The following HS6ST3 variants were observed in gnomAD, a reference collection of about 807,000 sequenced individuals.
HS6ST3 encodes the protein heparan sulfate 6-O-sulfotransferase 3, also known as heparan-sulfate 6-O-sulfotransferase 3.
A neutral mutation model predicts 36.7 loss-of-function variants in HS6ST3; 12 were observed. The ratio of observed to expected loss-of-function variants is 0.33; its 90% CI spans 0.21 to 0.53. HS6ST3 has a LOEUF of 0.53. Ranked by LOEUF, HS6ST3 falls within the 20% of genes least tolerant of loss-of-function variation. The pLI, the probability that HS6ST3 is intolerant of heterozygous loss-of-function variation, is 0.95. For synonymous variants in HS6ST3, 240 were observed against 257.5 expected (o/e 0.93, Z 0.65); for missense variants, 584 against 640.9 (o/e 0.91, Z 0.96).
chr13:96,534,587 T>C (rs1220379857), intron 1 of HS6ST3, among the ~76,000 whole-genome samples: 1 of 152,216 alleles, frequency 6.6e-6, no homozygotes, highest in Non-Finnish European at 1.5e-5. Context: ...TGGTTGTCAC[T>C]ATTTATATGC....
chr13:96,714,139 G>T lies in HS6ST3; in HGVS notation c.708-118351G>T, dbSNP rs544980814. ...TTAGGGTAGGGAGAGATTTCTAAAGGTACAAAACCTCCAAACCTTAAAAGA... is the reference window on the plus strand; with the variant it reads ...TTAGGGTAGGGAGAGATTTCTAAAGTTACAAAACCTCCAAACCTTAAAAGA... On this transcript the variant is annotated intron_variant, in intron 1 of 1. Coordinates refer to ENST00000376705, the MANE Select transcript of HS6ST3 (RefSeq NM_153456.4). Among the ~76,000 whole-genome samples, 40 of 152,010 alleles carry T rather than the reference G, an allele frequency of 2.6e-4. 1 individual carries two copies. The South Asian group carries it at 5.2e-3, about 20-fold the overall frequency.
intron 1 of HS6ST3, among the ~76,000 whole-genome samples, chr13:96,484,467 G>T (rs552964162): frequency 6.6e-6 from 1 of 152,266 alleles, no homozygotes; most frequent in South Asian, 2.1e-4. Flanking sequence ...TATCCATCAT[G>T]CATAACTGAA....
rs1203595829 is a variant in HS6ST3, at chr13:96,351,335, T to TTTTTTTTTTTTTTTAAAA, written c.707+259766_707+259767insTTTTTTTTTTTTTTAAAA. Among the ~76,000 whole-genome samples, 921 of 146,108 alleles carry TTTTTTTTTTTTTTTAAAA rather than the reference T, an allele frequency of 6.3e-3. 19 individuals carry two copies. Among genetic ancestry groups the TTTTTTTTTTTTTTTAAAA allele is most frequent in the African/African-American group, 0.023 (884 of 38,336 alleles). The stretch of plus-strand genomic sequence containing the variant: ...AGGTGGCAGTCTTTTTTTTTTTTTT[T>TTTTTTTTTTTTTTTAAAA]AAAAAAAACAAGGTCTTGCTGGGTT... On this transcript the variant is annotated intron_variant, in intron 1 of 1. Transcript: ENST00000376705.
intron 1 of HS6ST3, among the ~76,000 whole-genome samples, chr13:96,170,208 C>T (rs1327624): frequency 1.3e-5 from 2 of 152,366 alleles, no homozygotes; most frequent in African/African-American, 4.8e-5. Context: ...ACCGGGTGCT[C>T]TATCTTTCCC....
At chr13:96,187,229 A>T (rs1055564480) in intron 1 of HS6ST3, among the ~76,000 whole-genome samples, 6 of 152,164 alleles carry the variant, frequency 3.9e-5, no homozygotes, top group Non-Finnish European at 8.8e-5. Context: ...CTTTGCAGCA[A>T]CTTTTGTGAT....
intron 1 of HS6ST3, among the ~76,000 whole-genome samples, chr13:96,166,575 C>CTTTTTTTTT (rs765190619): frequency 6.2e-4 from 81 of 131,562 alleles, no homozygotes; most frequent in East Asian, 1.1e-3. Context: ...TTCTTTCTTT[C>CTTTTTTTTT]TTTTTTTTTT....
At chr13:96,722,192 G>A (rs1875867470) in intron 1 of HS6ST3, among the ~76,000 whole-genome samples, 1 of 152,132 alleles carries the variant, frequency 6.6e-6, no homozygotes, top group Admixed American at 6.5e-5. Context: ...TTGAATCTGG[G>A]AGGCAGAGGT....
chr13:96,154,590 C>T (rs1200421300), intron 1 of HS6ST3, among the ~76,000 whole-genome samples: 1 of 151,924 alleles, frequency 6.6e-6, no homozygotes, highest in Non-Finnish European at 1.5e-5. Context: ...GAGATCGCCT[C>T]TTACAAATCA....
At chr13:96,375,015 G>A (rs1040508398) in intron 1 of HS6ST3, among the ~76,000 whole-genome samples, 1 of 151,902 alleles carries the variant, frequency 6.6e-6, no homozygotes, top group African/African-American at 2.4e-5. Flanking sequence ...TAACCATATC[G>A]TAGGCCAGTC....
At chr13:96,602,682 C>T (rs2056425916) in intron 1 of HS6ST3, among the ~76,000 whole-genome samples, 1 of 152,182 alleles carries the variant, frequency 6.6e-6, no homozygotes, top group African/African-American at 2.4e-5. Context: ...GTTCGCCATA[C>T]TATCCTGAAG....
At chr13:96,184,758 AT>A (rs1466648511) in intron 1 of HS6ST3, among the ~76,000 whole-genome samples, 1 of 151,212 alleles carries the variant, frequency 6.6e-6, no homozygotes, top group Non-Finnish European at 1.5e-5. Flanking sequence ...AGCCTCAGTT[AT>A]TTTCAATCTC....
intron 1 of HS6ST3, among the ~76,000 whole-genome samples, chr13:96,681,827 C>G (rs1289155705): frequency 1.3e-5 from 2 of 152,054 alleles, no homozygotes; most frequent in African/African-American, 4.8e-5. Flanking sequence ...TTGAACCATC[C>G]TTGTTCTCTC....
At chr13:96,672,210 A>T (rs1045457695) in intron 1 of HS6ST3, among the ~76,000 whole-genome samples, 1 of 152,158 alleles carries the variant, frequency 6.6e-6, no homozygotes, top group Non-Finnish European at 1.5e-5. Flanking sequence ...ATACAGATGT[A>T]TTACCAAATG....
At chr13:96,156,153 A>G (rs2139326028) in intron 1 of HS6ST3, among the ~76,000 whole-genome samples, 1 of 152,344 alleles carries the variant, frequency 6.6e-6, no homozygotes, top group African/African-American at 2.4e-5. Context: ...GAAGAGTCAT[A>G]GAAGCCCGTT....
intron 1 of HS6ST3, among the ~76,000 whole-genome samples, chr13:96,787,611 C>G (rs1250221234): frequency 6.6e-6 from 1 of 151,798 alleles, no homozygotes; most frequent in Non-Finnish European, 1.5e-5. Context: ...TTGCACATTT[C>G]TAATTAAGTT....
intron 1 of HS6ST3, among the ~76,000 whole-genome samples, chr13:96,111,687 A>G (rs925047080): frequency 6.6e-6 from 1 of 152,184 alleles, no homozygotes; most frequent in Non-Finnish European, 1.5e-5. Context: ...CATCCACTCT[A>G]TGAAACAGAG....
At position 96,398,549 on chromosome 13, in the gene HS6ST3, G is replaced by C. The variant is rs2055433714; in HGVS notation, c.707+306980G>C. The stretch of plus-strand genomic sequence containing the variant: ...CCACCTTGGCCTCCCAAAGTGCTGG[G>C]ATTACAGGAGTGAGCCACCAAGCCC... On this transcript the variant is annotated intron_variant, in intron 1 of 1. Coordinates refer to ENST00000376705, the MANE Select transcript of HS6ST3 (RefSeq NM_153456.4). Among the ~76,000 whole-genome samples, 3 of 152,186 alleles carry C rather than the reference G, an allele frequency of 2.0e-5. No individual in the cohort carries two copies. The South Asian group carries it at 6.2e-4, about 32-fold the overall frequency.
chr13:96,769,066 C>T (rs758223477), intron 1 of HS6ST3, among the ~76,000 whole-genome samples: 22 of 152,026 alleles, frequency 1.4e-4, no homozygotes, highest in Non-Finnish European at 3.1e-4. Context: ...CATTGAAATC[C>T]CCCACAACCA....
intron 1 of HS6ST3, among the ~76,000 whole-genome samples, chr13:96,630,109 TA>T (rs1258151138): frequency 6.6e-6 from 1 of 152,216 alleles, no homozygotes; most frequent in African/African-American, 2.4e-5. Context: ...GTTAAAAAAA[TA>T]TTTTTTTCAT....
Sources: allele counts gnomAD v4.1 joint callset (sites outside exome capture counted in the v4.1 genomes callset), GRCh38; gene constraint gnomAD v4.1.1; transcripts MANE v1.5; gene names NCBI Gene and HGNC (gene_info 2026-07-23, HGNC 2026-07-21).